Variants in WDR19 observed in about 807,000 individuals in gnomAD.
The protein encoded by WDR19 is WD repeat-containing protein 19.
Under a neutral mutation model 180.0 loss-of-function variants are expected in WDR19, and 121 were observed. The observed-to-expected ratio is 0.67, with a 90% CI of 0.58 to 0.78. The LOEUF is 0.78. Ranked by LOEUF, WDR19 falls within the 30% of genes least tolerant of loss-of-function variation. The pLI, the probability that WDR19 is intolerant of heterozygous loss-of-function variation, is 0.00. For missense variants in WDR19, 1,450 were observed against 1,640.7 expected, an observed-to-expected ratio of 0.88 and a Z score of 2.01; for synonymous variants, 497 against 540.7, an observed-to-expected ratio of 0.92 and a Z score of 1.12.
chr4:39,210,251 A>G (rs1389030109), intron 9 of WDR19, among the ~76,000 whole-genome samples: 1 of 152,274 alleles, frequency 6.6e-6, no homozygotes, highest in Admixed American at 6.5e-5. Context: ...AATATCTCTC[A>G]TAAACTTGAG....
intron 10 of WDR19, 40 bp from the exon 11 acceptor site, chr4:39,215,801 A>G: frequency 6.4e-7 from 1 of 1,560,080 alleles, no homozygotes; most frequent in Non-Finnish European, 8.7e-7. Flanking sequence ...GCAACTATAT[A>G]TTGTTTTTGA....
rs772017135 is a variant in WDR19 at position 39,199,577 on chromosome 4, G to T, written c.506G>T (p.Gly169Val). Reference sequence around the variant, plus strand: ...ATGATTACAGTTAGTAATCAGGAAGGTGACACGATAAGACAGGTAATACAG... The same window carrying T: ...ATGATTACAGTTAGTAATCAGGAAGTTGACACGATAAGACAGGTAATACAG... The part of the protein sequence containing the change: ...DKMITVSNQE[G>V]DTIRQTQVRS... The change falls in exon 6 of 37, where the codon GGT (glycine) becomes GTT (valine). Residue 169 changes from glycine (G) to valine (V), a missense_variant. Gly to Val is a moderately radical substitution (Grantham distance 109). Coordinates refer to ENST00000399820, the MANE Select transcript of WDR19 (RefSeq NM_025132.4). 8.1e-6 allele frequency: 13 copies of T among 1,613,134 alleles called. No homozygotes were observed. The highest frequency in any genetic ancestry group is 1.1e-5 in the Non-Finnish European group (13 of 1,179,426).
intron 30 of WDR19, among the ~76,000 whole-genome samples, chr4:39,268,410 G>A (rs1327438552): frequency 6.6e-6 from 1 of 152,006 alleles, no homozygotes. Context: ...ACAGTCTCAC[G>A]GCATTTTCTT....
rs1729028771 is a variant in WDR19 at position 39,215,987 on chromosome 4, G to A, written c.1108G>A (p.Val370Ile). Residue 370 changes from valine (V) to isoleucine (I), a missense_variant, in exon 11 of 37, where the codon GTC (valine) becomes ATC (isoleucine). Coordinates refer to ENST00000399820, the MANE Select transcript of WDR19 (RefSeq NM_025132.4). ...RIAYLTSLLEVTVANPVEGEL... is the reference protein window; with the variant it reads ...RIAYLTSLLEITVANPVEGEL... ...TGCCTATCTCACCTCCCTCCTTGAA[G>A]TCACCGTAGCCAACCCTGTTGAAGG... The A allele has an allele frequency of 6.2e-6, 10 of 1,609,556 alleles. No homozygotes were observed. The highest frequency in any genetic ancestry group is 8.5e-6 in the Non-Finnish European group (10 of 1,177,954).
chr4:39,244,491 C>A lies in WDR19; in HGVS notation c.2584C>A (p.Leu862Met). The change falls in exon 23 of 37, where the codon CTG (leucine) becomes ATG (methionine). Residue 862 changes from leucine to methionine, a missense_variant. By Grantham distance (15) the Leu-to-Met change is conservative. Coordinates refer to ENST00000399820, the MANE Select transcript of WDR19 (RefSeq NM_025132.4). ...NMKQFSEAAQ[L>M]YEKGLYYDKA... ...TTAGCAATTTTCAGAAGCGGCCCAA[C>A]TGTATGAAAAAGGTCTCTACTACGA... The A allele has an allele frequency of 6.2e-7, 1 of 1,613,982 alleles. No homozygotes were observed.
chr4:39,182,851 G>A (rs1725086983), intron 1 of WDR19, among the ~76,000 whole-genome samples: 1 of 152,116 alleles, frequency 6.6e-6, no homozygotes, highest in African/African-American at 2.4e-5. Context: ...GCCGAAATGA[G>A]CGGACTGGAT....
At chr4:39,242,711 A>G (rs1158969420) in intron 21 of WDR19, among the ~76,000 whole-genome samples, 1 of 152,150 alleles carries the variant, frequency 6.6e-6, no homozygotes. Context: ...TGTGTCGCCC[A>G]GGCTGGAGTG....
chr4:39,260,327 C>CT (rs1175851787), intron 28 of WDR19, among the ~76,000 whole-genome samples: 9 of 127,054 alleles, frequency 7.1e-5, no homozygotes, highest in African/African-American at 1.7e-4. Flanking sequence ...AGGGCCACAT[C>CT]TTTTTTTTTT....
Position 39,235,783 on chromosome 4 carries a change from A to C in WDR19, c.2363+908A>C, listed in dbSNP as rs1267151889. 2.6e-5 allele frequency among the ~76,000 whole-genome samples: 4 copies of C among 152,118 alleles called. 1 individual carries two copies. The highest frequency in any genetic ancestry group is 5.9e-5 in the Non-Finnish European group (4 of 68,016). On this transcript the variant is annotated intron_variant, in intron 20 of 36. Coordinates refer to ENST00000399820, the MANE Select transcript of WDR19 (RefSeq NM_025132.4). ...AATCTGCAAGGAACTCAAACAACTC[A>C]ACAAGAAAAAAAAAATAACCTATTA...
chr4:39,186,021 T>A (rs1246564442), intron 2 of WDR19, among the ~76,000 whole-genome samples: 3 of 152,092 alleles, frequency 2.0e-5, no homozygotes, highest in African/African-American at 7.2e-5. Context: ...AGTAAAAGTT[T>A]TTGTCTAACA....
intron 9 of WDR19, 145 bp from the exon 10 acceptor site, chr4:39,214,456 A>G: frequency 1.9e-6 from 1 of 515,936 alleles, no homozygotes; most frequent in Non-Finnish European, 3.4e-6. Flanking sequence ...CAGAAATTCT[A>G]ATATTTTCTT....
chr4:39,278,522 T>TTCCC lies in WDR19; in HGVS notation c.3918-12_3918-9dup. The TTCCC allele has an allele frequency of 6.3e-7, 1 of 1,587,596 alleles. No homozygotes were observed. Among genetic ancestry groups the TTCCC allele is most frequent in the Non-Finnish European group, 8.6e-7 (1 of 1,162,706 alleles). On this transcript the variant is annotated splice_polypyrimidine_tract_variant and intron_variant, in intron 35 of 36. Coordinates refer to ENST00000399820, the MANE Select transcript of WDR19 (RefSeq NM_025132.4). ...GTTATATATTTAATTTACTCTGCCT[T>TTCCC]TCCCTCCCCTAAACAGCATGCTAAA... is the stretch of plus-strand genomic sequence containing the variant.
intron 32 of WDR19, 118 bp from the exon 33 acceptor site, chr4:39,274,690 A>C (rs1735725038): frequency 7.9e-7 from 1 of 1,268,358 alleles, no homozygotes; most frequent in Non-Finnish European, 1.1e-6. Flanking sequence ...TCTTTGCAGA[A>C]AAAGCAAAGT....
At chr4:39,277,922 C>T (rs1481770520) in intron 34 of WDR19, among the ~76,000 whole-genome samples, 6 of 152,036 alleles carry the variant, frequency 3.9e-5, no homozygotes, top group East Asian at 1.9e-4. Context: ...AGCATGGTGG[C>T]GCACGCCTGT....
chr4:39,223,261 T>C (rs896509061), intron 14 of WDR19, among the ~76,000 whole-genome samples: 3 of 152,150 alleles, frequency 2.0e-5, no homozygotes, highest in Non-Finnish European at 4.4e-5. Context: ...AATTTTATAG[T>C]GTGTAAATTA....
chr4:39,198,324 C>A (rs6839306), intron 5 of WDR19, among the ~76,000 whole-genome samples: 4,372 of 151,876 alleles, frequency 0.029, 209 homozygotes, highest in African/African-American at 0.1. Flanking sequence ...TTTGGGAGGC[C>A]GAGGCGGGCG....
intron 5 of WDR19, among the ~76,000 whole-genome samples, chr4:39,196,954 C>A (rs1486382651): frequency 6.6e-6 from 1 of 152,204 alleles, no homozygotes; most frequent in Non-Finnish European, 1.5e-5. Context: ...GTATTAGATT[C>A]TTTGAGGGTA....
chr4:39,250,992 G>T (rs1485793937), intron 24 of WDR19, among the ~76,000 whole-genome samples: 1 of 152,102 alleles, frequency 6.6e-6, no homozygotes, highest in African/African-American at 2.4e-5. Flanking sequence ...TTTCTTCACA[G>T]ACTTGGAAAA....
chr4:39,210,334 G>C (rs1728360635), intron 9 of WDR19, among the ~76,000 whole-genome samples: 1 of 152,238 alleles, frequency 6.6e-6, no homozygotes, highest in Non-Finnish European at 1.5e-5. Flanking sequence ...TCATGACCAA[G>C]TGTGATTTAT....
Sources: allele counts gnomAD v4.1 joint callset (sites outside exome capture counted in the v4.1 genomes callset), GRCh38; gene constraint gnomAD v4.1.1; transcripts MANE v1.5; gene names NCBI Gene and HGNC (gene_info 2026-07-23, HGNC 2026-07-21).